Variants in ALK observed in about 807,000 individuals in gnomAD.
The protein encoded by ALK is ALK tyrosine kinase receptor.
ALK carries 74 observed loss-of-function variants against 163.1 expected under a neutral mutation model. The observed-to-expected ratio is 0.45, with a 90% CI of 0.38 to 0.55. The LOEUF is 0.55. ALK is among the 20% of genes least tolerant of loss of function. ALK has a pLI of 0.00. For missense variants in ALK, 2,063 were observed against 2,105.3 expected, an observed-to-expected ratio of 0.98 and a Z score of 0.39; for synonymous variants, 960 against 843.2, an observed-to-expected ratio of 1.14 and a Z score of -2.40.
chr2:29,830,645 G>T (rs529670489), intron 1 of ALK, among the ~76,000 whole-genome samples: 4 of 145,672 alleles, frequency 2.7e-5, no homozygotes, highest in Non-Finnish European at 6.0e-5. Context: ...GAGGGAGGAG[G>T]ATTGCTTGAG....
intron 1 of ALK, among the ~76,000 whole-genome samples, chr2:29,854,023 C>G (rs192378462): frequency 7.9e-4 from 120 of 151,940 alleles, no homozygotes; most frequent in African/African-American, 2.9e-3. Flanking sequence ...GATTCTTCTG[C>G]CTCAGCCTCC....
rs545637032 is a variant in ALK, at chr2:29,318,795, T to A, written c.1547-391A>T. Among the ~76,000 whole-genome samples, 18 of 152,280 alleles carry A rather than the reference T, an allele frequency of 1.2e-4. No homozygotes were observed. In the South Asian group the frequency reaches 3.3e-3, roughly 28 times the overall value. ...GTTAGCCAGGATAGTCTCGATCTCC[T>A]GACCTGGTGATCTGCCCGTCTCGGC... On this transcript the variant is annotated intron_variant, in intron 7 of 28. Transcript: ENST00000389048.
At chr2:29,914,779 T>C (rs978420547) in intron 1 of ALK, among the ~76,000 whole-genome samples, 10 of 152,372 alleles carry the variant, frequency 6.6e-5, no homozygotes, top group African/African-American at 2.4e-4. Flanking sequence ...TTTTCACCTA[T>C]TGACATGTCT....
intron 23 of ALK, among the ~76,000 whole-genome samples, chr2:29,216,775 G>GGT (rs1669622567): frequency 6.6e-6 from 1 of 151,588 alleles, no homozygotes; most frequent in African/African-American, 2.4e-5. Flanking sequence ...GGATGTGTGA[G>GGT]GTGTGTGTGG....
chr2:29,660,609 G>A (rs927617704), intron 3 of ALK, among the ~76,000 whole-genome samples: 1 of 151,944 alleles, frequency 6.6e-6, no homozygotes, highest in Admixed American at 6.6e-5. Context: ...AGGGTGAAAA[G>A]GGGATGAGGG....
intron 3 of ALK, among the ~76,000 whole-genome samples, chr2:29,631,526 C>A (rs1676375577): frequency 6.6e-6 from 1 of 152,216 alleles, no homozygotes; most frequent in Non-Finnish European, 1.5e-5. Flanking sequence ...AGGACTGGAA[C>A]AGGAGTTGGA....
chr2:29,498,362 G>A (rs1052588954), intron 4 of ALK, among the ~76,000 whole-genome samples: 1 of 134,428 alleles, frequency 7.4e-6, no homozygotes, highest in African/African-American at 2.7e-5. Context: ...ATAAAATTTT[G>A]AACTGTGATT....
chr2:29,244,602 G>T (rs11894279), intron 12 of ALK, among the ~76,000 whole-genome samples: 22,516 of 152,070 alleles, frequency 0.15, 2,982 homozygotes, highest in African/African-American at 0.36. Flanking sequence ...CAGTGACCTC[G>T]CTCTATAGCC....
intron 3 of ALK, among the ~76,000 whole-genome samples, chr2:29,542,693 G>A (rs1362521269): frequency 6.6e-6 from 1 of 152,062 alleles, no homozygotes; most frequent in Non-Finnish European, 1.5e-5. Flanking sequence ...GGAAGCTTTT[G>A]GGATCTTTCT....
At chr2:29,535,218 G>C (rs1016587734) in intron 3 of ALK, among the ~76,000 whole-genome samples, 2 of 152,190 alleles carry the variant, frequency 1.3e-5, no homozygotes, top group Admixed American at 1.3e-4. Context: ...TGGCCATGGG[G>C]GTGTGGAGAG....
At chr2:29,661,018 A>C (rs187168767) in intron 3 of ALK, among the ~76,000 whole-genome samples, 1 of 152,104 alleles carries the variant, frequency 6.6e-6, no homozygotes, top group Non-Finnish European at 1.5e-5. Context: ...AGTTAAAAGC[A>C]CTTACTCTGC....
chr2:29,580,748 G>A (rs1374089555), intron 3 of ALK, among the ~76,000 whole-genome samples: 1 of 152,190 alleles, frequency 6.6e-6, no homozygotes, highest in Non-Finnish European at 1.5e-5. Context: ...GAACAAAAAC[G>A]GGCCCTGACG....
At chr2:29,262,825 C>T (rs1443306256) in intron 11 of ALK, among the ~76,000 whole-genome samples, 13 of 152,350 alleles carry the variant, frequency 8.5e-5, no homozygotes, top group Admixed American at 7.8e-4. Context: ...CAGTGATCTG[C>T]AGGAGATTTT....
intron 3 of ALK, among the ~76,000 whole-genome samples, chr2:29,566,418 G>A (rs66538220): frequency 0.12 from 17,973 of 152,210 alleles, 1,399 homozygotes; most frequent in Non-Finnish European, 0.18. Context: ...ACTGATTCGG[G>A]TCTGCATGGA....
At chr2:29,820,970 A>C (rs1665031118) in intron 1 of ALK, among the ~76,000 whole-genome samples, 1 of 152,158 alleles carries the variant, frequency 6.6e-6, no homozygotes, top group African/African-American at 2.4e-5. Context: ...TTGGGGGTAG[A>C]GCAGAGTGAT....
intron 3 of ALK, among the ~76,000 whole-genome samples, chr2:29,554,885 T>C (rs1558381980): frequency 1.3e-5 from 2 of 152,064 alleles, no homozygotes; most frequent in East Asian, 1.9e-4. Context: ...GTGACGAGAG[T>C]GGCCTCTGGC....
At chr2:29,606,502 C>T (rs1296901438) in intron 3 of ALK, among the ~76,000 whole-genome samples, 2 of 152,196 alleles carry the variant, frequency 1.3e-5, no homozygotes, top group Non-Finnish European at 2.9e-5. Flanking sequence ...TAGCCCCTGC[C>T]AAAGAGAGGT....
chr2:29,502,989 T>C (rs1415373358), intron 4 of ALK, among the ~76,000 whole-genome samples: 1 of 152,162 alleles, frequency 6.6e-6, no homozygotes, highest in Non-Finnish European at 1.5e-5. Context: ...TCAGGGTAGA[T>C]TGTCTTTATG....
At chr2:29,285,735 G>A (rs1665837680) in intron 9 of ALK, among the ~76,000 whole-genome samples, 1 of 151,686 alleles carries the variant, frequency 6.6e-6, no homozygotes, top group Admixed American at 6.6e-5. Context: ...GTTAATTTTT[G>A]TATTTTTAGT....
Sources: gnomAD v4.1 joint callset for allele counts (sites outside exome capture counted in the v4.1 genomes callset) on GRCh38, gnomAD v4.1.1 for gene constraint, MANE v1.5 for transcripts, NCBI Gene and HGNC (gene_info 2026-07-23, HGNC 2026-07-21) for gene names.